MYO1H: variants seen among roughly 807,000 people sequenced by gnomAD.
MYO1H encodes myosin IH.
MYO1H carries 118 observed loss-of-function variants against 149.3 expected under a neutral mutation model. That is an observed-to-expected ratio of 0.79 (90% CI 0.68 to 0.92). MYO1H has a LOEUF of 0.92. Among genes scored for constraint, MYO1H ranks in the 40% least tolerant of loss-of-function variants. MYO1H has a pLI of 0.00. For missense variants in MYO1H, 1,212 were observed against 1,280.7 expected, an observed-to-expected ratio of 0.95 and a Z score of 0.82; for synonymous variants, 447 against 465.2, an observed-to-expected ratio of 0.96 and a Z score of 0.50.
chr12:109,416,160 C>A (rs1305429386), intron 15 of MYO1H, among the ~76,000 whole-genome samples: 1 of 151,992 alleles, frequency 6.6e-6, no homozygotes, highest in African/African-American at 2.4e-5. Context: ...TCTGGAACTC[C>A]TGAGGCCCAC....
intron 1 of MYO1H, among the ~76,000 whole-genome samples, chr12:109,361,504 AT>A (rs1231785822): frequency 6.6e-6 from 1 of 152,194 alleles, no homozygotes; most frequent in Non-Finnish European, 1.5e-5. Flanking sequence ...ATGTCTTAAT[AT>A]GTGTCACAAA....
chr12:109,362,037 C>A (rs1001614925), intron 1 of MYO1H, among the ~76,000 whole-genome samples: 6 of 150,132 alleles, frequency 4.0e-5, no homozygotes, highest in African/African-American at 1.5e-4. Flanking sequence ...TAATAATTGT[C>A]TTTGGATTGG....
At chr12:109,322,400 T>A in the MYO1H span, among the ~76,000 whole-genome samples, 1 of 152,208 alleles carries the variant, frequency 6.6e-6, no homozygotes, top group African/African-American at 2.4e-5. Context: ...AAATATTAAG[T>A]GTTTTAATTT....
intron 21 of MYO1H, among the ~76,000 whole-genome samples, chr12:109,435,518 G>C (rs1871822635): frequency 6.6e-6 from 1 of 152,216 alleles, no homozygotes; most frequent in Admixed American, 6.5e-5. Flanking sequence ...AGAAAAGTTA[G>C]ATGGGGAAAT....
At chr12:109,318,988 T>TG in the MYO1H span, among the ~76,000 whole-genome samples, 4 of 146,482 alleles carry the variant, frequency 2.7e-5, no homozygotes, top group African/African-American at 7.6e-5. Context: ...TTTTTTTTTT[T>TG]TTTTTTGCAA....
intron 1 of MYO1H, among the ~76,000 whole-genome samples, chr12:109,352,415 T>C (rs17772728): frequency 0.02 from 3,106 of 152,264 alleles, 50 homozygotes; most frequent in Middle Eastern, 0.058. Flanking sequence ...ATTGTCTCCA[T>C]GGTCATAGAA....
chr12:109,327,360 C>G, the MYO1H span, among the ~76,000 whole-genome samples: 27 of 151,416 alleles, frequency 1.8e-4, no homozygotes, highest in Admixed American at 1.4e-3. Flanking sequence ...GTCTTGAACT[C>G]CTGACCTTGT....
At chr12:109,443,591 A>C (rs896388762) in exon 28 of MYO1H, 1 of 1,613,744 alleles carries the variant, frequency 6.2e-7, no homozygotes, top group Non-Finnish European at 8.5e-7. Flanking sequence ...CTCAGAAAGC[A>C]GCTTACGTGG....
At chr12:109,364,590 CT>C (rs1868828395) in intron 1 of MYO1H, among the ~76,000 whole-genome samples, 1 of 152,086 alleles carries the variant, frequency 6.6e-6, no homozygotes, top group South Asian at 2.1e-4. Context: ...TTCCCACGTT[CT>C]TTTTTAAAAG....
intron 17 of MYO1H, among the ~76,000 whole-genome samples, chr12:109,425,650 C>T (rs1041137747): frequency 4.6e-5 from 7 of 152,200 alleles, no homozygotes; most frequent in African/African-American, 1.7e-4. Context: ...AAGAGAATGA[C>T]AGGCCTGGGG....
the MYO1H span, among the ~76,000 whole-genome samples, chr12:109,332,951 TATATGCAGGTCGAC>T: frequency 1.3e-5 from 2 of 152,202 alleles, no homozygotes; most frequent in African/African-American, 4.8e-5. Context: ...TGCCAGGTTT[TATATGCAGGTCGAC>T]ATAATTTGTA....
chr12:109,404,073 A>T (rs764096485), exon 7 of MYO1H: 2 of 1,612,308 alleles, frequency 1.2e-6, no homozygotes. Context: ...ACTGAAGCTG[A>T]CCTCGAGGTA....
At chr12:109,358,978 C>G (rs1387396908) in intron 1 of MYO1H, among the ~76,000 whole-genome samples, 1 of 151,990 alleles carries the variant, frequency 6.6e-6, no homozygotes, top group Non-Finnish European at 1.5e-5. Flanking sequence ...ATACACCCAG[C>G]CCATCAGGAG....
At chr12:109,326,541 A>C in the MYO1H span, among the ~76,000 whole-genome samples, 1 of 104,568 alleles carries the variant, frequency 9.6e-6, no homozygotes, top group Non-Finnish European at 2.2e-5. Context: ...TTATTTTTTG[A>C]GACAGCATCT....
At chr12:109,442,090 CCT>C (rs1872160175) in intron 26 of MYO1H, 125 bp from the exon 27 acceptor site, 6 of 770,296 alleles carry the variant, frequency 7.8e-6, no homozygotes, top group Non-Finnish European at 1.3e-5. Context: ...TGCAGCATTT[CCT>C]GATGGCTATT....
At chr12:109,335,883 T>C in the MYO1H span, among the ~76,000 whole-genome samples, 1 of 151,312 alleles carries the variant, frequency 6.6e-6, no homozygotes, top group Non-Finnish European at 1.5e-5. Flanking sequence ...GTTTGTCTTA[T>C]ATTCAGCCAC....
intron 1 of MYO1H, among the ~76,000 whole-genome samples, chr12:109,386,468 C>T (rs1254424242): frequency 6.6e-6 from 1 of 152,206 alleles, no homozygotes; most frequent in Non-Finnish European, 1.5e-5. Flanking sequence ...GCATTCCTAC[C>T]AGAAGTGCGA....
chr12:109,362,052 G>C (rs1868765675), intron 1 of MYO1H, among the ~76,000 whole-genome samples: 1 of 141,622 alleles, frequency 7.1e-6, no homozygotes, highest in African/African-American at 2.4e-5. Context: ...GATTGGGGCA[G>C]ATTGCCTTCT....
At chr12:109,364,332 T>G (rs1592780382) in intron 1 of MYO1H, among the ~76,000 whole-genome samples, 1 of 152,142 alleles carries the variant, frequency 6.6e-6, no homozygotes, top group African/African-American at 2.4e-5. Flanking sequence ...TACATTGTAT[T>G]CTGCTGTTCT....
Sources: allele counts gnomAD v4.1 joint callset (sites outside exome capture counted in the v4.1 genomes callset), GRCh38; gene constraint gnomAD v4.1.1; transcripts MANE v1.5; gene names NCBI Gene and HGNC (gene_info 2026-07-23, HGNC 2026-07-21).